Variants in FGF1 observed in about 807,000 individuals in gnomAD.
The protein encoded by FGF1 is fibroblast growth factor 1.
A neutral mutation model predicts 13.4 loss-of-function variants in FGF1; 9 were observed. That is an observed-to-expected ratio of 0.67 (90% CI 0.40 to 1.17). The LOEUF is 1.17. Among genes scored for constraint, FGF1 ranks in the 50% most tolerant of loss-of-function variants. FGF1 has a pLI of 0.01. For synonymous variants in FGF1, 93 were observed against 79.0 expected (o/e 1.18, Z -0.94); for missense variants, 156 against 192.7 (o/e 0.81, Z 1.13).
intron 2 of FGF1, among the ~76,000 whole-genome samples, chr5:142,606,917 T>C (rs1597080688): frequency 6.6e-6 from 1 of 152,354 alleles, no homozygotes; most frequent in South Asian, 2.1e-4. Context: ...AGTTTTCTAT[T>C]TTACTACGTA....
chr5:142,645,093 T>TA (rs34108028), intron 1 of FGF1, among the ~76,000 whole-genome samples: 103,754 of 152,034 alleles, frequency 0.68, 36,006 homozygotes, highest in Non-Finnish European at 0.76. Flanking sequence ...CTCTTAGCTT[T>TA]AAACCCTGGC....
chr5:142,605,144 G>T (rs1392455210), intron 2 of FGF1, among the ~76,000 whole-genome samples: 1 of 152,098 alleles, frequency 6.6e-6, no homozygotes, highest in Non-Finnish European at 1.5e-5. Context: ...GTCTCACTCT[G>T]TTGCCCAGGC....
intron 1 of FGF1, 33 bp from the exon 2 acceptor site, chr5:142,614,194 C>T: frequency 6.4e-7 from 1 of 1,566,866 alleles, no homozygotes; most frequent in Non-Finnish European, 8.7e-7. Context: ...GTAGTCGGTT[C>T]TTCCAGCAAA....
chr5:142,692,023 A>G (rs10060249), intron 2 of FGF1, among the ~76,000 whole-genome samples: 48,568 of 152,058 alleles, frequency 0.32, 8,372 homozygotes, highest in African/African-American at 0.45. Flanking sequence ...TGATTTGTCA[A>G]TTGATGATTA....
intron 2 of FGF1, among the ~76,000 whole-genome samples, chr5:142,613,713 T>C (rs531108832): frequency 4.6e-5 from 7 of 152,316 alleles, no homozygotes; most frequent in African/African-American, 1.7e-4. Flanking sequence ...GCCCGTTCTG[T>C]TGGGTCAGCA....
At chr5:142,621,919 A>G (rs895208988) in intron 1 of FGF1, among the ~76,000 whole-genome samples, 3 of 152,162 alleles carry the variant, frequency 2.0e-5, no homozygotes, top group African/African-American at 7.2e-5. Flanking sequence ...TTCAACTCTC[A>G]ATTCCTCATG....
intron 2 of FGF1, among the ~76,000 whole-genome samples, chr5:142,694,741 C>G (rs973884080): frequency 6.6e-6 from 1 of 152,138 alleles, no homozygotes; most frequent in Non-Finnish European, 1.5e-5. Context: ...CAACATTTCC[C>G]GCAAAGACCA....
At chr5:142,665,199 CT>C (rs1351927067) in intron 1 of FGF1, among the ~76,000 whole-genome samples, 2 of 152,092 alleles carry the variant, frequency 1.3e-5, no homozygotes, top group African/African-American at 4.8e-5. Context: ...AACTCACAAA[CT>C]TTACTTTAGA....
intron 1 of FGF1, among the ~76,000 whole-genome samples, chr5:142,656,206 T>C (rs981643700): frequency 3.3e-5 from 5 of 150,244 alleles, no homozygotes; most frequent in African/African-American, 1.2e-4. Flanking sequence ...CTTCCAATAT[T>C]GACTCTAGCC....
intron 1 of FGF1, chr5:142,685,593 C>G (rs180934722): frequency 6.6e-6 from 1 of 152,338 alleles, no homozygotes; most frequent in East Asian, 1.9e-4. Context: ...CCCTCCAGCC[C>G]TGATTCAGGG....
At chr5:142,617,364 C>CA (rs113175195) in intron 1 of FGF1, among the ~76,000 whole-genome samples, 7,296 of 141,206 alleles carry the variant, frequency 0.052, 228 homozygotes, top group Middle Eastern at 0.09. Context: ...GACTCTGTCT[C>CA]AAAAAAAAAA....
chr5:142,622,842 G>C (rs148225100), intron 1 of FGF1, among the ~76,000 whole-genome samples: 2 of 152,140 alleles, frequency 1.3e-5, no homozygotes, highest in South Asian at 4.1e-4. Flanking sequence ...GATTGGCCTG[G>C]GCTAGCATCT....
chr5:142,613,879 A>C, intron 2 of FGF1, 80 bp downstream of exon 2: 1 of 1,445,196 alleles, frequency 6.9e-7, no homozygotes, highest in Non-Finnish European at 9.4e-7. Flanking sequence ...AAGTACCTGT[A>C]CTTAAATGTG....
intron 1 of FGF1, among the ~76,000 whole-genome samples, chr5:142,681,561 C>G (rs974714261): frequency 6.6e-6 from 1 of 152,212 alleles, no homozygotes; most frequent in African/African-American, 2.4e-5. Flanking sequence ...CCTGCCATCT[C>G]TTAGCAGAAT....
chr5:142,603,667 C>T (rs73795020), intron 2 of FGF1, among the ~76,000 whole-genome samples: 4,909 of 152,140 alleles, frequency 0.032, 186 homozygotes, highest in East Asian at 0.12. Flanking sequence ...TCTCCTGGCC[C>T]ATTATCAATA....
At chr5:142,650,685 C>T (rs2151973816) in intron 1 of FGF1, among the ~76,000 whole-genome samples, 1 of 152,054 alleles carries the variant, frequency 6.6e-6, no homozygotes, top group Non-Finnish European at 1.5e-5. Context: ...TACACACACA[C>T]ACACACTATG....
chr5:142,649,270 A>G (rs1240259781), intron 1 of FGF1, among the ~76,000 whole-genome samples: 2 of 152,124 alleles, frequency 1.3e-5, no homozygotes, highest in East Asian at 1.9e-4. Flanking sequence ...TGGTTCTGCA[A>G]TTTGCCTTCA....
At chr5:142,651,753 C>A (rs1305082272) in intron 1 of FGF1, among the ~76,000 whole-genome samples, 2 of 151,708 alleles carry the variant, frequency 1.3e-5, no homozygotes, top group East Asian at 3.9e-4. Flanking sequence ...AGAACATAGT[C>A]TTTTCAGATT....
chr5:142,648,021 G>T (rs980953488), intron 1 of FGF1, among the ~76,000 whole-genome samples: 1 of 152,290 alleles, frequency 6.6e-6, no homozygotes, highest in Non-Finnish European at 1.5e-5. Context: ...GGAGGTGGAG[G>T]TTGCAGTGAG....
Sources: allele counts gnomAD v4.1 joint callset (sites outside exome capture counted in the v4.1 genomes callset), GRCh38; gene constraint gnomAD v4.1.1; transcripts MANE v1.5; gene names NCBI Gene and HGNC (gene_info 2026-07-23, HGNC 2026-07-21).